INTS4: variants seen among roughly 807,000 people sequenced by gnomAD.
INTS4 encodes MSTP093.
INTS4 carries 70 observed loss-of-function variants against 119.5 expected under a neutral mutation model. The observed-to-expected ratio is 0.59, with a 90% confidence interval of 0.48 to 0.71. The LOEUF (loss-of-function observed/expected upper bound fraction) is 0.71. Among genes scored for constraint, INTS4 ranks in the 30% least tolerant of loss-of-function variants. The pLI is 0.00. For synonymous variants in INTS4, 316 were observed against 419.6 expected (o/e 0.75, Z 3.02); for missense variants, 867 against 1,173.2 (o/e 0.74, Z 3.81).
In INTS4 at chr11:77,955,989, C is replaced by T; in HGVS notation, c.871G>A (p.Val291Ile). ...DDAFGKICHMVSDGSWVVRVQ... is the reference protein window; with the variant it reads ...DDAFGKICHMISDGSWVVRVQ... ...CGAACCACCCAAGAGCCATCACTGACCATGTGACAAATTTTGCCAAACGCA... is the reference window on the plus strand; with the variant it reads ...CGAACCACCCAAGAGCCATCACTGATCATGTGACAAATTTTGCCAAACGCA... Residue 291 changes from valine (V) to isoleucine (I), a missense_variant, in exon 8 of 23, where the codon GTC (valine) becomes ATC (isoleucine). Physicochemically the swap from Val to Ile is conservative, Grantham distance 29. Transcript: ENST00000534064. The T allele has an allele frequency of 6.2e-7, 1 of 1,611,530 alleles. No individual in the cohort carries two copies. Among genetic ancestry groups the T allele is most frequent in the Non-Finnish European group, 8.5e-7 (1 of 1,179,736 alleles).
intron 4 of INTS4, among the ~76,000 whole-genome samples, chr11:77,961,972 AT>A (rs1310290843): frequency 6.6e-6 from 1 of 152,192 alleles, no homozygotes; most frequent in Non-Finnish European, 1.5e-5. Context: ...TGTTGGATAT[AT>A]ATGTAGAAGT....
chr11:77,943,297 C>T (rs893904552), intron 8 of INTS4, among the ~76,000 whole-genome samples: 2 of 152,134 alleles, frequency 1.3e-5, no homozygotes, highest in Non-Finnish European at 2.9e-5. Flanking sequence ...ATAGGTGAAG[C>T]TTTCCATTTT....
intron 2 of INTS4, among the ~76,000 whole-genome samples, chr11:77,988,237 C>T (rs2136663560): frequency 6.6e-6 from 1 of 152,298 alleles, no homozygotes; most frequent in Admixed American, 6.5e-5. Context: ...GAGATAGACA[C>T]ATATGGCAAA....
intron 1 of INTS4, among the ~76,000 whole-genome samples, chr11:77,992,274 T>C (rs956144540): frequency 5.9e-4 from 89 of 151,812 alleles, no homozygotes; most frequent in African/African-American, 2.1e-3. Context: ...GGTGTATGCC[T>C]GCAGTCCCAG....
intron 22 of INTS4, among the ~76,000 whole-genome samples, chr11:77,883,123 AAC>A (rs1430773204): frequency 6.6e-6 from 1 of 151,930 alleles, no homozygotes; most frequent in African/African-American, 2.4e-5. Flanking sequence ...TGTGTTTAAA[AAC>A]ACAGAGTGAA....
At chr11:77,918,260 C>T (rs1480625776) in intron 15 of INTS4, 3 of 606,758 alleles carry the variant, frequency 4.9e-6, no homozygotes, top group East Asian at 6.3e-5. Flanking sequence ...GGTGAAACCT[C>T]GACTCTACAA....
chr11:77,880,465 A>G (rs1951749457), intron 22 of INTS4, among the ~76,000 whole-genome samples: 1 of 152,232 alleles, frequency 6.6e-6, no homozygotes, highest in African/African-American at 2.4e-5. Context: ...TCACATGACA[A>G]CATGAGGGTC....
rs1951680194 is a variant in INTS4 at position 77,878,786 on chromosome 11, T to C, written c.*163A>G. On this transcript the variant is annotated 3_prime_UTR_variant, in exon 23 of 23. Coordinates refer to ENST00000534064, the MANE Select transcript of INTS4 (RefSeq NM_033547.4). ...GTAGACTTGAAGGTTTTTTATTTTT[T>C]AATGAAGAAACAATTTATCCTGTGT... The C allele has an allele frequency of 2.8e-6, 2 of 713,788 alleles. No homozygotes were observed. The highest frequency in any genetic ancestry group is 5.0e-6 in the Non-Finnish European group (2 of 396,482). 44.2% of individuals were successfully genotyped at this position (713,788 alleles called of 1,614,324 possible).
intron 21 of INTS4, among the ~76,000 whole-genome samples, chr11:77,890,065 G>A (rs1952197180): frequency 1.3e-5 from 2 of 152,098 alleles, no homozygotes; most frequent in Admixed American, 1.3e-4. Flanking sequence ...ATTAATGTAG[G>A]CTGACACCTA....
At chr11:77,926,828 GAAAGGAAAGGAAAGGAA>G (rs1374836094) in intron 11 of INTS4, among the ~76,000 whole-genome samples, 224 of 146,394 alleles carry the variant, frequency 1.5e-3, no homozygotes, top group African/African-American at 4.6e-3. Context: ...AAAAAAAAAG[GAAAGGAAAGGAAAGGAA>G]AAAGGAAAGG....
intron 10 of INTS4, among the ~76,000 whole-genome samples, chr11:77,930,799 G>A (rs1163394671): frequency 6.9e-6 from 1 of 143,926 alleles, no homozygotes; most frequent in Non-Finnish European, 1.5e-5. Context: ...GGGCAACACA[G>A]TGAGACCCCA....
intron 18 of INTS4, among the ~76,000 whole-genome samples, chr11:77,895,201 A>G (rs1313783495): frequency 6.6e-6 from 1 of 151,992 alleles, no homozygotes; most frequent in Non-Finnish European, 1.5e-5. Context: ...ACCTTTGCAT[A>G]TTTTCTTCCT....
chr11:77,968,409 C>A (rs764291466), intron 4 of INTS4, among the ~76,000 whole-genome samples: 7 of 152,126 alleles, frequency 4.6e-5, no homozygotes, highest in Admixed American at 4.6e-4. Flanking sequence ...ACAAATATTG[C>A]GTGATTCCAC....
At chr11:77,949,805 A>G (rs1281341907) in intron 8 of INTS4, among the ~76,000 whole-genome samples, 1 of 152,022 alleles carries the variant, frequency 6.6e-6, no homozygotes, top group Non-Finnish European at 1.5e-5. Context: ...GGAAGACAGC[A>G]TGGCGATTCC....
chr11:77,946,926 G>A (rs1362314578), intron 8 of INTS4, among the ~76,000 whole-genome samples: 3 of 149,782 alleles, frequency 2.0e-5, no homozygotes, highest in Admixed American at 6.6e-5. Context: ...TTCATGATCC[G>A]AATGAGAAAT....
At chr11:77,920,449 T>C (rs996227373) in intron 14 of INTS4, among the ~76,000 whole-genome samples, 2 of 151,840 alleles carry the variant, frequency 1.3e-5, no homozygotes, top group Non-Finnish European at 2.9e-5. Flanking sequence ...ATTATTATGA[T>C]CTATTTTTAA....
chr11:77,994,653 C>A lies in INTS4; in HGVS notation c.-10G>T. On this transcript the variant is annotated 5_prime_UTR_variant, in exon 1 of 23. Coordinates refer to ENST00000534064, the MANE Select transcript of INTS4 (RefSeq NM_033547.4). ...TAAGGTGCGCCGCCATGCCTACCCG[C>A]GGGCCCTCTCAGCTTCCGTACACTA... The A allele has an allele frequency of 6.2e-6, 10 of 1,613,946 alleles. No homozygotes were observed. Among genetic ancestry groups the A allele is most frequent in the African/African-American group, 1.3e-5 (1 of 75,034 alleles).
chr11:77,904,973 G>C (rs1421553662), intron 16 of INTS4, among the ~76,000 whole-genome samples: 1 of 152,162 alleles, frequency 6.6e-6, no homozygotes, highest in African/African-American at 2.4e-5. Flanking sequence ...TTAGATATCA[G>C]CTTGACTAGA....
chr11:77,937,051 T>C (rs536650976), intron 10 of INTS4, among the ~76,000 whole-genome samples: 44 of 152,110 alleles, frequency 2.9e-4, no homozygotes, highest in Non-Finnish European at 5.9e-4. Flanking sequence ...CGCGGGCACC[T>C]GCAGTCCCAG....
Sources: allele counts gnomAD v4.1 joint callset (sites outside exome capture counted in the v4.1 genomes callset), GRCh38; gene constraint gnomAD v4.1.1; transcripts MANE v1.5; gene names NCBI Gene and HGNC (gene_info 2026-07-23, HGNC 2026-07-21).